Variants in MMAB observed in about 807,000 individuals in gnomAD.
MMAB encodes metabolism of cobalamin associated B.
A neutral mutation model predicts 30.6 loss-of-function variants in MMAB; 17 were observed. The ratio of observed to expected loss-of-function variants is 0.56; its 90% CI spans 0.38 to 0.83. The LOEUF (loss-of-function observed/expected upper bound fraction) is 0.83. MMAB is among the 40% of genes least tolerant of loss of function. The pLI, the probability that MMAB is intolerant of heterozygous loss-of-function variation, is 0.00. For synonymous variants in MMAB, 134 were observed against 138.6 expected, an observed-to-expected ratio of 0.97 and a Z score of 0.23; for missense variants, 311 against 331.6, an observed-to-expected ratio of 0.94 and a Z score of 0.48.
intron 3 of MMAB, among the ~76,000 whole-genome samples, chr12:109,565,727 G>GT (rs1012581467): frequency 6.8e-4 from 104 of 152,350 alleles, no homozygotes; most frequent in African/African-American, 2.5e-3. Flanking sequence ...TCAGTGCTCT[G>GT]AAGGAAAGAG....
In MMAB at chr12:109,554,592, G is replaced by T. The variant is rs1169977281; in HGVS notation, c.*2436C>A. 2.2e-6 allele frequency: 1 copy of T among 454,026 alleles called. No homozygotes were observed. The highest frequency in any genetic ancestry group is 4.4e-6 in the Non-Finnish European group (1 of 226,802). The allele number at this position is 454,026 out of a possible 1,614,324, so 28.1% of individuals were successfully genotyped here. ...GTGTTCCCGTGCAATGGGACTGATTGTTTCTGAGAGTTGCCAGTGGTGTGC... is the reference window on the plus strand; with the variant it reads ...GTGTTCCCGTGCAATGGGACTGATTTTTTCTGAGAGTTGCCAGTGGTGTGC... On this transcript the variant is annotated 3_prime_UTR_variant, in exon 9 of 9. Transcript: ENST00000545712.
At chr12:109,573,274 T>C in intron 1 of MMAB, 73 bp downstream of exon 1, 1 of 1,592,454 alleles carries the variant, frequency 6.3e-7, no homozygotes, top group African/African-American at 1.3e-5. Flanking sequence ...CTCACGGCGG[T>C]GTGACGTACC....
At chr12:109,560,655 C>T (rs528057699) in intron 7 of MMAB, among the ~76,000 whole-genome samples, 1 of 152,338 alleles carries the variant, frequency 6.6e-6, no homozygotes, top group African/African-American at 2.4e-5. Context: ...TCATGTCTAC[C>T]CCTGTCCCCA....
Position 109,572,872 on chromosome 12 carries a change from A to G in MMAB, c.134+475T>C, listed in dbSNP as rs1490700949. ...AAAAAACAATGTAAACAACTCAAGG[A>G]CATAGCTCAAAATTAAAATGTGACA... is the stretch of plus-strand genomic sequence containing the variant. On this transcript the variant is annotated intron_variant, in intron 1 of 8. Transcript: ENST00000545712. Among the ~76,000 whole-genome samples, 4 of 152,356 alleles carry G rather than the reference A, an allele frequency of 2.6e-5. No individual in the cohort carries two copies. In the East Asian group the frequency reaches 5.8e-4, roughly 22 times the overall value.
Position 109,571,669 on chromosome 12 carries a change from T to A in MMAB, c.176A>T (p.Tyr59Phe). Residue 59 changes from tyrosine (Y) to phenylalanine (F), a missense_variant, in exon 2 of 9, where the codon TAC (tyrosine) becomes TTC (phenylalanine). Transcript: ENST00000545712. Reference protein sequence around the residue: ...SSKTPRIPKIYTKTGDKGFSS... With the variant: ...SSKTPRIPKIFTKTGDKGFSS... Reference sequence around the variant, plus strand: ...CCTACCTTTGTCTCCCGTTTTGGTGTAAATCTTGGGGATCCTGGGTGTCTT... The same window carrying A: ...CCTACCTTTGTCTCCCGTTTTGGTGAAAATCTTGGGGATCCTGGGTGTCTT... 6.2e-7 allele frequency: 1 copy of A among 1,614,154 alleles called. No homozygotes were observed. The highest frequency in any genetic ancestry group is 2.2e-5 in the East Asian group (1 of 44,890).
rs1041909345 is a variant in MMAB, at chr12:109,554,209, C to T, written c.*2819G>A. ...CCCCACCCAATGCCTCCTTCCAGGG[C>T]TGCTATGGGGTTCAAATGAGATAAT... is the stretch of plus-strand genomic sequence containing the variant. On this transcript the variant is annotated 3_prime_UTR_variant, in exon 9 of 9. Coordinates refer to ENST00000545712, the MANE Select transcript of MMAB (RefSeq NM_052845.4). 4.4e-6 allele frequency: 2 copies of T among 453,650 alleles called. No homozygotes were observed. Among genetic ancestry groups the T allele is most frequent in the Admixed American group, 2.4e-5 (1 of 42,530 alleles). 28.1% of individuals were successfully genotyped at this position (453,650 alleles called of 1,614,324 possible). A position where few individuals can be genotyped will look rare whatever the true frequency, so the allele number is the denominator to read the frequency against.
chr12:109,561,168 C>A lies in MMAB; in HGVS notation c.520-64G>T. 6.3e-7 allele frequency: 1 copy of A among 1,598,240 alleles called. No homozygotes were observed. Among genetic ancestry groups the A allele is most frequent in the East Asian group, 2.2e-5 (1 of 44,852 alleles). Reference sequence around the variant, plus strand: ...AAGGTGTGCCCACTGCGGACAGGAGCTCCTCTGAAGTCCAGCCCTGCCCCC... The same window carrying A: ...AAGGTGTGCCCACTGCGGACAGGAGATCCTCTGAAGTCCAGCCCTGCCCCC... On this transcript the variant is annotated intron_variant, in intron 6 of 8. Transcript: ENST00000545712. This position sits in a 1 kb window ranked among gnomAD's most constrained non-coding sequence, Gnocchi z 5.3.
chr12:109,568,541 T>C (rs898846281), intron 3 of MMAB: 24 of 606,940 alleles, frequency 4.0e-5, no homozygotes, highest in Middle Eastern at 4.2e-4. Context: ...CAGCTTCACA[T>C]GGCATGGGCC....
At chr12:109,571,059 C>G (rs1044437785) in intron 2 of MMAB, among the ~76,000 whole-genome samples, 1 of 152,024 alleles carries the variant, frequency 6.6e-6, no homozygotes, top group African/African-American at 2.4e-5. Context: ...ACAACTTAAT[C>G]TCTCTCCCAG....
At chr12:109,568,952 A>C in intron 2 of MMAB, 89 bp from the exon 3 acceptor site, 1 of 1,008,498 alleles carries the variant, frequency 9.9e-7, no homozygotes, top group South Asian at 1.3e-5. Context: ...AAGATTTTAA[A>C]GAACTTTCTC....
Position 109,561,337 on chromosome 12 carries a change from AAG to A in MMAB, c.519+81_519+82del, listed in dbSNP as rs1487994779. On this transcript the variant is annotated intron_variant, in intron 6 of 8. Coordinates refer to ENST00000545712, the MANE Select transcript of MMAB (RefSeq NM_052845.4). This position sits in a 1 kb window ranked among gnomAD's most constrained non-coding sequence, Gnocchi z 5.3. ...GGAGGACAGCGTCTGTCACTGTGAA[AAG>A]AGGGATTTATTCAGAGCCCATGTGT... 1.3e-6 allele frequency: 2 copies of A among 1,541,892 alleles called. No homozygotes were observed. The highest frequency in any genetic ancestry group is 2.7e-5 in the African/African-American group (2 of 73,080).
chr12:109,563,349 C>T (rs1411391256), intron 4 of MMAB, among the ~76,000 whole-genome samples: 4 of 152,228 alleles, frequency 2.6e-5, no homozygotes, highest in Non-Finnish European at 5.9e-5. Flanking sequence ...TTAACTTCCA[C>T]CTCACGGGTG....
rs748781874 is a variant in MMAB at position 109,561,388 on chromosome 12, G to A, written c.519+32C>T. Reference sequence around the variant, plus strand: ...GTGTCTGTCACTGAACCTGCCTGCAGCCGCCCCCGGTTAAGCCTGCCCAGT... The same window carrying A: ...GTGTCTGTCACTGAACCTGCCTGCAACCGCCCCCGGTTAAGCCTGCCCAGT... On this transcript the variant is annotated intron_variant, in intron 6 of 8. Transcript: ENST00000545712. The surrounding 1 kb of genome is among the most constrained non-coding windows in gnomAD (Gnocchi z 5.3). 1.9e-6 allele frequency: 3 copies of A among 1,547,624 alleles called. No individual in the cohort carries two copies. In the South Asian group the frequency reaches 3.6e-5, roughly 18 times the overall value.
intron 7 of MMAB, 103 bp from the exon 8 acceptor site, chr12:109,559,258 A>G: frequency 1.1e-6 from 1 of 875,620 alleles, no homozygotes; most frequent in South Asian, 1.4e-5. Flanking sequence ...CCACCGCTCA[A>G]CCTGAACCTG....
In MMAB at chr12:109,555,115, C is replaced by G. The variant is rs550387587; in HGVS notation, c.*1913G>C. Reference sequence around the variant, plus strand: ...CTTTCCTTATCCTTTGGAGGCTGTGCTTTCCCATGGCTAGGCATGCAGGGC... The same window carrying G: ...CTTTCCTTATCCTTTGGAGGCTGTGGTTTCCCATGGCTAGGCATGCAGGGC... On this transcript the variant is annotated 3_prime_UTR_variant, in exon 9 of 9. Coordinates refer to ENST00000545712, the MANE Select transcript of MMAB (RefSeq NM_052845.4). 2.2e-6 allele frequency: 1 copy of G among 453,898 alleles called. No homozygotes were observed. The highest frequency in any genetic ancestry group is 4.4e-6 in the Non-Finnish European group (1 of 226,770). The allele number at this position is 453,898 out of a possible 1,614,324, so 28.1% of individuals were successfully genotyped here.
At chr12:109,560,657 C>A (rs1884157909) in intron 7 of MMAB, among the ~76,000 whole-genome samples, 1 of 152,248 alleles carries the variant, frequency 6.6e-6, no homozygotes, top group African/African-American at 2.4e-5. Context: ...ATGTCTACCC[C>A]TGTCCCCAAG....
intron 2 of MMAB, chr12:109,570,137 C>A: frequency 3.5e-6 from 1 of 283,772 alleles, no homozygotes; most frequent in Non-Finnish European, 7.2e-6. Flanking sequence ...GTGATGCATG[C>A]CTGTAGTCCC....
At chr12:109,565,094 G>T in intron 4 of MMAB, 25 bp downstream of exon 4, 1 of 1,604,612 alleles carries the variant, frequency 6.2e-7, no homozygotes, top group Non-Finnish European at 8.5e-7. Context: ...AAGATTCCCA[G>T]CTTGGGTGAG....
intron 7 of MMAB, 99 bp downstream of exon 7, chr12:109,560,941 C>G: frequency 4.5e-6 from 5 of 1,108,838 alleles, no homozygotes; most frequent in South Asian, 1.3e-5. Flanking sequence ...AGGCCCCTCT[C>G]CCTCTCCCCA....
Sources: gnomAD v4.1 joint callset for allele counts (sites outside exome capture counted in the v4.1 genomes callset) on GRCh38, gnomAD v4.1.1 for gene constraint, Gnocchi (gnomAD v3.1) non-coding constraint, MANE v1.5 for transcripts, NCBI Gene and HGNC (gene_info 2026-07-23, HGNC 2026-07-21) for gene names.